Variants in GVQW3 observed in about 807,000 individuals in gnomAD.
GVQW3 encodes the protein GVQW motif containing 3, also known as protein GVQW3.
In GVQW3, 7 loss-of-function variants were observed where a neutral mutation model predicts 12.5. The observed-to-expected ratio is 0.56, with a 90% CI of 0.32 to 1.05. The LOEUF (loss-of-function observed/expected upper bound fraction) is 1.05. GVQW3 is among the 50% of genes least tolerant of loss of function. The probability of loss-of-function intolerance (pLI) is 0.04; values close to 1 mark genes in which losing one functional copy is unlikely to be tolerated. For synonymous variants in GVQW3, 71 were observed against 67.2 expected, an observed-to-expected ratio of 1.06 and a Z score of -0.28; for missense variants, 188 against 190.8, an observed-to-expected ratio of 0.99 and a Z score of 0.09.
At position 76,394,779 on chromosome 11, in the gene GVQW3, A is replaced by G. The variant is rs553107472; in HGVS notation, c.466-8881A>G. Among the ~76,000 whole-genome samples the G allele has an allele frequency of 1.4e-4, 21 of 152,330 alleles. No homozygotes were observed. In the South Asian group the frequency reaches 4.3e-3, roughly 32 times the overall value. ...GCAGAACCTTCAAACTGTTCTCTGTAGTGGATGTACTAATTTACATTCCCA... is the reference window on the plus strand; with the variant it reads ...GCAGAACCTTCAAACTGTTCTCTGTGGTGGATGTACTAATTTACATTCCCA... On this transcript the variant is annotated intron_variant, in intron 1 of 1. Transcript: ENST00000529331.
chr11:76,414,619 CAA>C (rs33977692), downstream of GVQW3: 4,004 of 119,470 alleles, frequency 0.034, 132 homozygotes, highest in East Asian at 0.2. Context: ...ATGGTCCCCA[CAA>C]AAAAAAAAAA....
chr11:76,397,002 C>CTT (rs11401694), intron 1 of GVQW3, among the ~76,000 whole-genome samples: 17,107 of 110,828 alleles, frequency 0.15, 2,196 homozygotes, highest in East Asian at 0.28. Flanking sequence ...TCATTTATTC[C>CTT]TTTTTTTTTT....
intron 1 of GVQW3, among the ~76,000 whole-genome samples, chr11:76,385,602 T>C (rs1946825689): frequency 1.3e-5 from 2 of 152,212 alleles, no homozygotes; most frequent in Non-Finnish European, 2.9e-5. Context: ...ATCCTTGTAT[T>C]GACCTTTGGG....
chr11:76,411,299 G>C (rs189986410), downstream of GVQW3: 2 of 152,484 alleles, frequency 1.3e-5, no homozygotes, highest in East Asian at 1.9e-4. Flanking sequence ...CATCATGTCA[G>C]CTGGAGTCCT....
chr11:76,401,761 G>A (rs1590823866), intron 1 of GVQW3, among the ~76,000 whole-genome samples: 2 of 97,120 alleles, frequency 2.1e-5, no homozygotes, highest in East Asian at 3.2e-4. Flanking sequence ...TGACAAAAGC[G>A]AAACTCTGTC....
chr11:76,390,783 C>T (rs991102933), intron 1 of GVQW3, among the ~76,000 whole-genome samples: 4 of 150,820 alleles, frequency 2.7e-5, no homozygotes, highest in African/African-American at 7.3e-5. Flanking sequence ...GCTGAGATTG[C>T]GCCACTGCAC....
intron 1 of GVQW3, among the ~76,000 whole-genome samples, chr11:76,401,707 A>T (rs1367514644): frequency 2.1e-5 from 3 of 143,012 alleles, no homozygotes; most frequent in African/African-American, 7.8e-5. Flanking sequence ...TGGGAGGCGG[A>T]GGTTGCAGTG....
rs959770113 is a variant in GVQW3 at position 76,382,036 on chromosome 11, C to A, written c.208C>A (p.Arg70=). The A allele has an allele frequency of 2.6e-6, 4 of 1,536,336 alleles. No individual in the cohort carries two copies. The highest frequency in any genetic ancestry group is 3.5e-6 in the Non-Finnish European group (4 of 1,146,982). ...DARSGRPVTH[R]TDDNIQKVKD... ...CCGAAGTGGGCGTCCAGTCACCCAC[C>A]GAACAGATGACAATATCCAGAAGGT... Residue 70 remains arginine, a synonymous_variant, in exon 1 of 2, where the codon CGA becomes AGA. Coordinates refer to ENST00000529331, the MANE Select transcript of GVQW3 (RefSeq NM_001347885.2).
chr11:76,398,501 CG>C (rs538779774), intron 1 of GVQW3, among the ~76,000 whole-genome samples: 124 of 152,072 alleles, frequency 8.2e-4, no homozygotes, highest in Non-Finnish European at 1.5e-3. Flanking sequence ...TTAGTAGAGA[CG>C]GGGTTTTACC....
chr11:76,384,900 A>G (rs748226490), intron 1 of GVQW3, among the ~76,000 whole-genome samples: 5 of 152,204 alleles, frequency 3.3e-5, no homozygotes, highest in Admixed American at 6.5e-5. Flanking sequence ...AATCCTTGCT[A>G]AGGCCTACCC....
intron 1 of GVQW3, among the ~76,000 whole-genome samples, chr11:76,401,627 G>A (rs572824643): frequency 1.3e-5 from 2 of 152,112 alleles, no homozygotes; most frequent in African/African-American, 4.8e-5. Context: ...ATAAAAATTA[G>A]CCAGGCATGG....
Position 76,390,077 on chromosome 11 carries a change from G to A in GVQW3, c.465+7784G>A, listed in dbSNP as rs189103052. ...TATCCATAGATGAAATTGTTATGTT[G>A]GGAAAATGTGTACTTAATCTTTGCT... On this transcript the variant is annotated intron_variant, in intron 1 of 1. Coordinates refer to ENST00000529331, the MANE Select transcript of GVQW3 (RefSeq NM_001347885.2). 368 of 152,218 alleles carry A rather than the reference G, an allele frequency of 2.4e-3. 1 individual carries two copies. The highest frequency in any genetic ancestry group is 8.5e-3 in the African/African-American group (354 of 41,534). The allele number at this position is 152,218 out of a possible 1,614,324, so 9.4% of individuals were successfully genotyped here.
chr11:76,413,395 CG>C (rs1947095041), exon 2 of GVQW3: 1 of 152,112 alleles, frequency 6.6e-6, no homozygotes, highest in Non-Finnish European at 1.5e-5. Flanking sequence ...AAGCTTCGAC[CG>C]CTCTGCCATC....
At chr11:76,414,150 T>C (rs1947099814) in exon 2 of GVQW3, 1 of 152,146 alleles carries the variant, frequency 6.6e-6, no homozygotes, top group Non-Finnish European at 1.5e-5. Flanking sequence ...GGACAATTCA[T>C]TGTTTGTCCC....
intron 1 of GVQW3, among the ~76,000 whole-genome samples, chr11:76,397,960 A>T (rs1433522273): frequency 6.6e-6 from 1 of 152,002 alleles, no homozygotes; most frequent in Non-Finnish European, 1.5e-5. Context: ...ACATGGTGAA[A>T]CCCCATCTCT....
chr11:76,399,113 T>TATTGTATTG lies in GVQW3; in HGVS notation c.466-4547_466-4546insATTGTATTG, dbSNP rs1565246176. 1.0e-4 allele frequency among the ~76,000 whole-genome samples: 15 copies of TATTGTATTG among 149,070 alleles called. No homozygotes were observed. The East Asian group carries it at 1.9e-3, about 19-fold the overall frequency. ...TCATGTAATTGTATTGTATTGTATT[T>TATTGTATTG]TATTTTATTTTATTTCATTTTATTT... On this transcript the variant is annotated intron_variant, in intron 1 of 1. Transcript: ENST00000529331.
chr11:76,397,922 G>T (rs1015190553), intron 1 of GVQW3, among the ~76,000 whole-genome samples: 2 of 152,004 alleles, frequency 1.3e-5, no homozygotes. Context: ...ATCATCTGAG[G>T]TCAGGAGTTT....
At chr11:76,412,543 CA>C (rs1947086569), downstream of GVQW3, 1 of 152,154 alleles carries the variant, frequency 6.6e-6, no homozygotes, top group Non-Finnish European at 1.5e-5. Context: ...CACTGCACCC[CA>C]ACTCTGAAAC....
chr11:76,401,907 A>G (rs1009544193), intron 1 of GVQW3, among the ~76,000 whole-genome samples: 1 of 152,166 alleles, frequency 6.6e-6, no homozygotes, highest in Non-Finnish European at 1.5e-5. Flanking sequence ...TATTTCTTGT[A>G]AATGCTATTT....
Sources: allele counts gnomAD v4.1 joint callset (sites outside exome capture counted in the v4.1 genomes callset), GRCh38; gene constraint gnomAD v4.1.1; transcripts MANE v1.5; gene names NCBI Gene and HGNC (gene_info 2026-07-23, HGNC 2026-07-21).